IL3RA: variants seen among roughly 807,000 people sequenced by gnomAD.
IL3RA encodes interleukin 3 receptor subunit alpha.
IL3RA carries 73 observed loss-of-function variants against 52.3 expected under a neutral mutation model. The ratio of observed to expected loss-of-function variants is 1.40; its 90% CI spans 1.16 to 1.70. The LOEUF (loss-of-function observed/expected upper bound fraction) is 1.70, where lower values mean the gene tolerates loss of function less well. Among genes scored for constraint, IL3RA ranks in the 40% most tolerant of loss-of-function variants. The probability of loss-of-function intolerance (pLI) is 0.00; values close to 1 mark genes in which losing one functional copy is unlikely to be tolerated. For synonymous variants in IL3RA, 260 were observed against 194.0 expected (o/e 1.34, Z -2.83); for missense variants, 664 against 504.4 (o/e 1.32, Z -3.03).
At chrX:1,368,347 G>A (rs17883878) in intron 9 of IL3RA, among the ~76,000 whole-genome samples, 3,724 of 152,162 alleles carry the variant, frequency 0.024, 92 homozygotes, top group Non-Finnish European at 0.033. Flanking sequence ...CACTTTGGGA[G>A]GCTGAGGTGG....
rs771983438 is a variant in IL3RA, at chrX:1,341,737, C to T, written c.-29C>T. On this transcript the variant is annotated 5_prime_UTR_variant, in exon 2 of 12. Transcript: ENST00000331035. Reference sequence around the variant, plus strand: ...CTCGTTTCTCCTGCAGCAGGCACCTCTGTCCTGCGTTCCGGAGCTGCGTTC... The same window carrying T: ...CTCGTTTCTCCTGCAGCAGGCACCTTTGTCCTGCGTTCCGGAGCTGCGTTC... 12 of 1,613,284 alleles carry T rather than the reference C, an allele frequency of 7.4e-6. No homozygotes were observed. Among genetic ancestry groups the T allele is most frequent in the Non-Finnish European group, 9.3e-6 (11 of 1,179,638 alleles).
At chrX:1,344,506 G>T (rs1193556739) in intron 2 of IL3RA, among the ~76,000 whole-genome samples, 2 of 151,562 alleles carry the variant, frequency 1.3e-5, no homozygotes, top group African/African-American at 2.4e-5. Context: ...TGGGCATGGT[G>T]GCTCATGCTT....
chrX:1,350,675 G>A (rs762618216), intron 4 of IL3RA, among the ~76,000 whole-genome samples: 2 of 150,822 alleles, frequency 1.3e-5, no homozygotes, highest in South Asian at 4.2e-4. Flanking sequence ...GCCGAGGTGG[G>A]TGGATCGCGA....
intron 8 of IL3RA, among the ~76,000 whole-genome samples, chrX:1,361,470 C>G (rs1309547520): frequency 3.3e-5 from 5 of 152,014 alleles, no homozygotes; most frequent in Admixed American, 6.6e-5. Flanking sequence ...ATGAGACAGT[C>G]GCCGGGCGCA....
chrX:1,359,929 C>T (rs2087066721), intron 8 of IL3RA, among the ~76,000 whole-genome samples: 1 of 150,628 alleles, frequency 6.6e-6, no homozygotes, highest in South Asian at 2.1e-4. Flanking sequence ...GTGTCTATCT[C>T]CCACTGTCCC....
At chrX:1,340,868 G>A (rs1326794883) in intron 1 of IL3RA, among the ~76,000 whole-genome samples, 1 of 152,116 alleles carries the variant, frequency 6.6e-6, no homozygotes, top group Non-Finnish European at 1.5e-5. Flanking sequence ...TGTCATCCCA[G>A]CACTTTGGGA....
chrX:1,341,717 T>A lies in IL3RA; in HGVS notation c.-38-11T>A. ...CCAGTCCCCGCTGCCTGACTCTCGT[T>A]TCTCCTGCAGCAGGCACCTCTGTCC... On this transcript the variant is annotated splice_polypyrimidine_tract_variant and intron_variant, in intron 1 of 11. Coordinates refer to ENST00000331035, the MANE Select transcript of IL3RA (RefSeq NM_002183.4). 6.2e-7 allele frequency: 1 copy of A among 1,610,218 alleles called. No individual in the cohort carries two copies. Among genetic ancestry groups the A allele is most frequent in the Non-Finnish European group, 8.5e-7 (1 of 1,177,288 alleles).
At chrX:1,354,492 G>C (rs2086466610) in intron 6 of IL3RA, among the ~76,000 whole-genome samples, 1 of 141,634 alleles carries the variant, frequency 7.1e-6, no homozygotes, top group Non-Finnish European at 1.5e-5. Flanking sequence ...AACATGAGCA[G>C]GGGGAGGAGG....
chrX:1,368,750 T>A (rs1351760620), intron 9 of IL3RA, among the ~76,000 whole-genome samples: 5 of 145,062 alleles, frequency 3.4e-5, no homozygotes, highest in African/African-American at 1.3e-4. Flanking sequence ...GAGAGGGGCC[T>A]CAGGAGGAAC....
In IL3RA at chrX:1,362,577, T is replaced by TTC. The variant is rs758126221; in HGVS notation, c.760-2551_760-2550dup. 8.0e-5 allele frequency among the ~76,000 whole-genome samples: 12 copies of TTC among 150,888 alleles called. No individual in the cohort carries two copies. In the East Asian group the frequency reaches 9.8e-4, roughly 12 times the overall value. ...CCTCTCTGTGTCTCTTTGTATCTCT[T>TTC]TCTCTCTCTCTGTCTCTCCCTGTCT... is the stretch of plus-strand genomic sequence containing the variant. On this transcript the variant is annotated intron_variant, in intron 8 of 11. Coordinates refer to ENST00000331035, the MANE Select transcript of IL3RA (RefSeq NM_002183.4).
At chrX:1,345,029 C>T (rs1344395699) in intron 2 of IL3RA, among the ~76,000 whole-genome samples, 32 of 149,818 alleles carry the variant, frequency 2.1e-4, no homozygotes, top group South Asian at 1.1e-3. Context: ...ATTAGCCGGG[C>T]GTGGTGGCGG....
chrX:1,349,061 G>A (rs1440318299), intron 4 of IL3RA, among the ~76,000 whole-genome samples: 59 of 150,024 alleles, frequency 3.9e-4, no homozygotes, highest in African/African-American at 1.3e-3. Flanking sequence ...AGGCTGGAGC[G>A]CAGTGGTGCA....
Position 1,381,053 on chromosome X carries a change from C to T in IL3RA, c.1011C>T (p.Arg337=), listed in dbSNP as rs2089156131. 1.2e-6 allele frequency: 2 copies of T among 1,613,902 alleles called. No individual in the cohort carries two copies. The highest frequency in any genetic ancestry group is 2.2e-5 in the South Asian group (2 of 91,066). ...RYLVMQRLFP[R]IPHMKDPIGD... ...TGGTGATGCAGAGACTCTTTCCCCGCATCCCTCACATGAAAGACCCCATCG... is the reference window on the plus strand; with the variant it reads ...TGGTGATGCAGAGACTCTTTCCCCGTATCCCTCACATGAAAGACCCCATCG... The change falls in exon 11 of 12, where the codon CGC becomes CGT. Residue 337 remains arginine (R), a synonymous_variant. Coordinates refer to ENST00000331035, the MANE Select transcript of IL3RA (RefSeq NM_002183.4).
At chrX:1,347,778 C>G (rs2085817185) in intron 3 of IL3RA, among the ~76,000 whole-genome samples, 1 of 151,946 alleles carries the variant, frequency 6.6e-6, no homozygotes, top group Non-Finnish European at 1.5e-5. Context: ...GTGGCTCACG[C>G]CTGTCATCCC....
chrX:1,352,240 T>G lies in IL3RA; in HGVS notation c.431+8T>G, dbSNP rs2148965975. On this transcript the variant is annotated splice_region_variant and intron_variant, in intron 5 of 11. Transcript: ENST00000331035. ...GTACTTGAACGTTGCCAAGTAGGTG[T>G]GCCCGTGGGCAGAGGCCGGGCTGTC... 6.2e-7 allele frequency: 1 copy of G among 1,613,468 alleles called. No individual in the cohort carries two copies. Among genetic ancestry groups the G allele is most frequent in the Non-Finnish European group, 8.5e-7 (1 of 1,179,592 alleles).
At chrX:1,339,605 A>G (rs1431560845) in intron 1 of IL3RA, among the ~76,000 whole-genome samples, 10 of 152,108 alleles carry the variant, frequency 6.6e-5, no homozygotes, top group Non-Finnish European at 4.4e-5. Context: ...CAGCCTGACC[A>G]ACATGGTGAA....
rs746515284 is a variant in IL3RA, at chrX:1,378,701, C to A, written c.917C>A (p.Thr306Lys). The change falls in exon 10 of 12, where the codon ACG becomes AAG. Residue 306 changes from threonine (T) to lysine (K), a missense_variant. By Grantham distance (78) the Thr-to-Lys change is moderately conservative. Coordinates refer to ENST00000331035, the MANE Select transcript of IL3RA (RefSeq NM_002183.4). ...EEGANTRAWRTSLLIALGTLL... is the reference protein window; with the variant it reads ...EEGANTRAWRKSLLIALGTLL... Reference sequence around the variant, plus strand: ...GGCGCAAACACACGTGCCTGGCGGACGTCGCTGCTGATCGCGCTGGGGACG... The same window carrying A: ...GGCGCAAACACACGTGCCTGGCGGAAGTCGCTGCTGATCGCGCTGGGGACG... 2.5e-6 allele frequency: 4 copies of A among 1,612,604 alleles called. No individual in the cohort carries two copies. In the African/African-American group the frequency reaches 5.3e-5, roughly 22 times the overall value.
chrX:1,352,622 T>G, intron 6 of IL3RA, 116 bp downstream of exon 6: 1 of 1,109,844 alleles, frequency 9.0e-7, no homozygotes, highest in Non-Finnish European at 1.3e-6. Flanking sequence ...CCTCTCACAT[T>G]TCCAGAGGCT....
intron 4 of IL3RA, among the ~76,000 whole-genome samples, chrX:1,348,980 T>C (rs1281005546): frequency 1.3e-5 from 2 of 148,788 alleles, no homozygotes; most frequent in Non-Finnish European, 3.0e-5. Context: ...TCTCTCTTTC[T>C]CTCTTTCCCC....
Sources: allele counts gnomAD v4.1 joint callset (sites outside exome capture counted in the v4.1 genomes callset), GRCh38; gene constraint gnomAD v4.1.1; transcripts MANE v1.5; gene names NCBI Gene and HGNC (gene_info 2026-07-23, HGNC 2026-07-21).